NT5DC1: variants seen among roughly 807,000 people sequenced by gnomAD.
The protein encoded by NT5DC1 is 5'-nucleotidase domain-containing protein 1.
A neutral mutation model predicts 59.4 loss-of-function variants in NT5DC1; 42 were observed. The observed-to-expected ratio is 0.71, with a 90% CI of 0.55 to 0.92. The LOEUF is 0.92. NT5DC1 is among the 40% of genes least tolerant of loss of function. NT5DC1 has a pLI of 0.00. For missense variants in NT5DC1, 501 were observed against 537.1 expected, an observed-to-expected ratio of 0.93 and a Z score of 0.66; for synonymous variants, 172 against 188.1, an observed-to-expected ratio of 0.91 and a Z score of 0.70.
At chr6:116,171,908 G>A (rs114005608) in intron 6 of NT5DC1, among the ~76,000 whole-genome samples, 5 of 152,296 alleles carry the variant, frequency 3.3e-5, no homozygotes, top group South Asian at 2.1e-4. Flanking sequence ...GTTTAAGTCC[G>A]AGAGTGAGAG....
In NT5DC1 at chr6:116,209,492, T is replaced by C. The variant is rs1191946484; in HGVS notation, c.530-11562T>C. The stretch of plus-strand genomic sequence containing the variant: ...GAGTCTCAGAAGAAAGAAAAATACA[T>C]AAATATGCTTATTACAAGTGTTGAT... On this transcript the variant is annotated intron_variant, in intron 6 of 11. Coordinates refer to ENST00000319550, the MANE Select transcript of NT5DC1 (RefSeq NM_152729.3). Among the ~76,000 whole-genome samples the C allele has an allele frequency of 3.3e-5, 5 of 152,098 alleles. No homozygotes were observed. The East Asian group carries it at 9.7e-4, about 29-fold the overall frequency.
At chr6:116,140,291 A>G (rs1284687469) in intron 6 of NT5DC1, among the ~76,000 whole-genome samples, 2 of 152,178 alleles carry the variant, frequency 1.3e-5, no homozygotes, top group Admixed American at 1.3e-4. Context: ...CCGTGGTAGC[A>G]GTTACACATC....
Position 116,125,296 on chromosome 6 carries a change from A to G in NT5DC1, c.529+7351A>G, listed in dbSNP as rs374225504. On this transcript the variant is annotated intron_variant, in intron 6 of 11. Coordinates refer to ENST00000319550, the MANE Select transcript of NT5DC1 (RefSeq NM_152729.3). Reference sequence around the variant, plus strand: ...GAGATTATTAAGATTATAGAAAGCAACAAGCAACTTGTTAATAGAACAAAA... The same window carrying G: ...GAGATTATTAAGATTATAGAAAGCAGCAAGCAACTTGTTAATAGAACAAAA... The G allele has an allele frequency of 6.1e-5, 97 of 1,600,034 alleles. No homozygotes were observed. The African/African-American group carries it at 1.3e-3, about 21-fold the overall frequency.
chr6:116,205,551 C>G (rs1163501711), intron 6 of NT5DC1, among the ~76,000 whole-genome samples: 1 of 151,892 alleles, frequency 6.6e-6, no homozygotes, highest in African/African-American at 2.4e-5. Context: ...TCTGATCTTG[C>G]TAGACCTAGT....
rs762957931 is a variant in NT5DC1, at chr6:116,244,016, T to C, written c.1360T>C (p.Ser454Pro). 2.2e-6 allele frequency: 3 copies of C among 1,338,468 alleles called. No homozygotes were observed. The highest frequency in any genetic ancestry group is 3.2e-6 in the Non-Finnish European group (3 of 947,488). 82.9% of individuals were successfully genotyped at this position (1,338,468 alleles called of 1,614,324 possible). The change falls in exon 12 of 12, where the codon TCC becomes CCC. Residue 454 changes from serine (S) to proline (P), a missense_variant. Coordinates refer to ENST00000319550, the MANE Select transcript of NT5DC1 (RefSeq NM_152729.3). Reference sequence around the variant, plus strand: ...CTTATCAAGTGATGAGACACTGATATCCAAATAAGTTGTCTTTACTGAAAA... The same window carrying C: ...CTTATCAAGTGATGAGACACTGATACCCAAATAAGTTGTCTTTACTGAAAA... ...LVLSSDETLI[S>P]K
chr6:116,168,653 A>G (rs770604356), intron 6 of NT5DC1, among the ~76,000 whole-genome samples: 2 of 150,184 alleles, frequency 1.3e-5, no homozygotes, highest in Non-Finnish European at 1.5e-5. Flanking sequence ...TTTATATTAT[A>G]TTGTCTCCTT....
At chr6:116,187,975 T>C (rs1202360050) in intron 6 of NT5DC1, among the ~76,000 whole-genome samples, 1 of 151,956 alleles carries the variant, frequency 6.6e-6, no homozygotes, top group Non-Finnish European at 1.5e-5. Context: ...TTTTATCTAG[T>C]GTAAAAAAGA....
In NT5DC1 at chr6:116,248,303, A is replaced by G. The variant is rs1771886491; in HGVS notation, c.*4279A>G. 1 of 152,210 alleles carries G rather than the reference A, an allele frequency of 6.6e-6. No homozygotes were observed. The highest frequency in any genetic ancestry group is 1.9e-4 in the East Asian group (1 of 5,202). The allele number at this position is 152,210 out of a possible 1,614,324, so 9.4% of individuals were successfully genotyped here. A position where few individuals can be genotyped will look rare whatever the true frequency, so the allele number is the denominator to read the frequency against. ...GTGTTACAAGGATTATCAAAGTAAT[A>G]TGTGCACTTCGAAGTGCCTGACATA... On this transcript the variant is annotated 3_prime_UTR_variant, in exon 12 of 12. Coordinates refer to ENST00000319550, the MANE Select transcript of NT5DC1 (RefSeq NM_152729.3).
intron 6 of NT5DC1, among the ~76,000 whole-genome samples, chr6:116,181,120 T>C (rs1780863232): frequency 6.6e-6 from 1 of 152,008 alleles, no homozygotes. Context: ...ATGAAAAGAT[T>C]AATAATTATT....
chr6:116,214,109 T>C (rs972520397), intron 6 of NT5DC1, among the ~76,000 whole-genome samples: 3 of 152,116 alleles, frequency 2.0e-5, no homozygotes, highest in Non-Finnish European at 2.9e-5. Flanking sequence ...AAAATCCTGA[T>C]ACTGTAAGTG....
intron 6 of NT5DC1, among the ~76,000 whole-genome samples, chr6:116,168,621 T>G (rs1201763842): frequency 6.6e-6 from 1 of 152,096 alleles, no homozygotes. Context: ...TTTTCCCCCT[T>G]TTTTTGATTG....
At chr6:116,210,355 A>G (rs1562166146) in intron 6 of NT5DC1, among the ~76,000 whole-genome samples, 1 of 148,758 alleles carries the variant, frequency 6.7e-6, no homozygotes, top group East Asian at 1.9e-4. Context: ...AAATGTAATA[A>G]TGTACCATGT....
intron 7 of NT5DC1, 23 bp from the exon 8 acceptor site, chr6:116,223,011 A>T: frequency 3.2e-6 from 4 of 1,265,336 alleles, no homozygotes; most frequent in Non-Finnish European, 4.6e-6. Flanking sequence ...AAATAAACTT[A>T]TGAAAAATTG....
chr6:116,211,404 A>T (rs929132025), intron 6 of NT5DC1, among the ~76,000 whole-genome samples: 7 of 152,058 alleles, frequency 4.6e-5, no homozygotes, highest in African/African-American at 1.7e-4. Flanking sequence ...AATACAATGA[A>T]TTTTCTCTAG....
intron 6 of NT5DC1, among the ~76,000 whole-genome samples, chr6:116,203,612 T>G (rs1402220286): frequency 6.6e-6 from 1 of 151,992 alleles, no homozygotes; most frequent in Non-Finnish European, 1.5e-5. Context: ...ACATTTTATT[T>G]ATTCATCCTA....
At chr6:116,215,115 C>G (rs1781664568) in intron 6 of NT5DC1, among the ~76,000 whole-genome samples, 1 of 152,116 alleles carries the variant, frequency 6.6e-6, no homozygotes, top group East Asian at 1.9e-4. Flanking sequence ...TTTCCTGGTT[C>G]TGAACATTGT....
chr6:116,178,011 T>G (rs1194409591), intron 6 of NT5DC1, among the ~76,000 whole-genome samples: 1 of 152,018 alleles, frequency 6.6e-6, no homozygotes, highest in Admixed American at 6.6e-5. Context: ...TGGAATTGTT[T>G]TATCCTGTAT....
chr6:116,226,528 T>TA (rs1781912673), intron 8 of NT5DC1, among the ~76,000 whole-genome samples: 1 of 152,088 alleles, frequency 6.6e-6, no homozygotes, highest in Admixed American at 6.5e-5. Flanking sequence ...GTGGAGTTTT[T>TA]AAAAAACGAT....
chr6:116,136,819 T>C (rs1482252664), intron 6 of NT5DC1, among the ~76,000 whole-genome samples: 3 of 152,174 alleles, frequency 2.0e-5, no homozygotes, highest in African/African-American at 7.2e-5. Flanking sequence ...AGCCCTCAGA[T>C]TCAGATACGA....
Sources: gnomAD v4.1 joint callset for allele counts (sites outside exome capture counted in the v4.1 genomes callset) on GRCh38, gnomAD v4.1.1 for gene constraint, MANE v1.5 for transcripts, NCBI Gene and HGNC (gene_info 2026-07-23, HGNC 2026-07-21) for gene names.